Variants in PRKCG observed in about 807,000 individuals in gnomAD.
The protein encoded by PRKCG is protein kinase C gamma.
PRKCG carries 28 observed loss-of-function variants against 82.0 expected under a neutral mutation model. That is an observed-to-expected ratio of 0.34 (90% CI 0.25 to 0.47). The LOEUF is 0.47. Ranked by LOEUF, PRKCG falls within the 20% of genes least tolerant of loss-of-function variation. The probability of loss-of-function intolerance (pLI) is 1.00; values close to 1 mark genes in which losing one functional copy is unlikely to be tolerated. For synonymous variants in PRKCG, 383 were observed against 376.6 expected (o/e 1.02, Z -0.20); for missense variants, 640 against 952.7 (o/e 0.67, Z 4.32).
chr19:53,893,220 G>T, intron 8 of PRKCG, 142 bp from the exon 9 acceptor site: 1 of 1,249,498 alleles, frequency 8.0e-7, no homozygotes, highest in East Asian at 2.3e-5. Flanking sequence ...GCTCTTCTAG[G>T]GGACTCGAGC....
In PRKCG at chr19:53,890,125, CTCTT is replaced by C. The variant is rs2068662660; in HGVS notation, c.529+112_529+115del. The C allele has an allele frequency of 8.1e-6, 10 of 1,231,244 alleles. No individual in the cohort carries two copies. The Admixed American group carries it at 1.4e-4, about 17-fold the overall frequency. The allele number at this position is 1,231,244 out of a possible 1,614,324, so 76.3% of individuals were successfully genotyped here. ...CCCTACCCCAAAGATGGGGCCACGC[CTCTT>C]TCTATGGTCACGCCCACACTCCTGA... On this transcript the variant is annotated intron_variant, in intron 5 of 17. Transcript: ENST00000263431.
intron 9 of PRKCG, among the ~76,000 whole-genome samples, chr19:53,896,740 CCT>C (rs2068721114): frequency 6.6e-6 from 1 of 152,152 alleles, no homozygotes; most frequent in Non-Finnish European, 1.5e-5. Flanking sequence ...ATTTATGTAG[CCT>C]CAATGAGGTA....
intron 5 of PRKCG, among the ~76,000 whole-genome samples, chr19:53,890,258 C>CT (rs1322362855): frequency 6.6e-6 from 1 of 151,934 alleles, no homozygotes; most frequent in Non-Finnish European, 1.5e-5. Context: ...ATGACTTTGA[C>CT]TTTCTTTTTT....
chr19:53,883,235 G>T lies in PRKCG; in HGVS notation c.202+41G>T, dbSNP rs779436440. On this transcript the variant is annotated intron_variant, in intron 2 of 17. Coordinates refer to ENST00000263431, the MANE Select transcript of PRKCG (RefSeq NM_002739.5). The surrounding 1 kb of genome is among the most constrained non-coding windows in gnomAD (Gnocchi z 5.4). ...CGGGGCTCCTGGGACCCTCAGGAGG[G>T]TGGAGGCTGGGGCCCCACAGCTGAG... 1 of 1,612,872 alleles carries T rather than the reference G, an allele frequency of 6.2e-7. No homozygotes were observed. The highest frequency in any genetic ancestry group is 1.7e-5 in the Admixed American group (1 of 60,006).
intron 16 of PRKCG, 127 bp downstream of exon 16, chr19:53,904,869 T>TA: frequency 1.3e-6 from 1 of 780,040 alleles, no homozygotes; most frequent in South Asian, 1.5e-5. Context: ...GAAAAGTTGA[T>TA]ATGATGCATA....
intron 3 of PRKCG, among the ~76,000 whole-genome samples, chr19:53,887,923 A>G (rs1006808930): frequency 2.0e-4 from 31 of 152,082 alleles, no homozygotes; most frequent in African/African-American, 7.5e-4. Flanking sequence ...CCACTTTTCA[A>G]GCGGTAAATC....
chr19:53,883,161 A>AG lies in PRKCG; in HGVS notation c.173dup. The AG allele has an allele frequency of 6.2e-7, 1 of 1,613,880 alleles. No individual in the cohort carries two copies. The stretch of plus-strand genomic sequence containing the variant: ...CTGACCTAGGATCCCTGACTCTTCC[A>AG]GGGGTATCGGAAAGCAGGGCCTGCA... On this transcript the variant is annotated splice_acceptor_variant, in intron 1 of 17. Coordinates refer to ENST00000263431, the MANE Select transcript of PRKCG (RefSeq NM_002739.5). LOFTEE classifies it high-confidence loss of function. The surrounding 1 kb of genome is among the most constrained non-coding windows in gnomAD (Gnocchi z 5.4).
chr19:53,883,311 G>A lies in PRKCG; in HGVS notation c.202+117G>A, dbSNP rs539566025. 2.1e-5 allele frequency: 27 copies of A among 1,267,850 alleles called. No homozygotes were observed. The African/African-American group carries it at 3.7e-4, about 17-fold the overall frequency. The allele number at this position is 1,267,850 out of a possible 1,614,324, so 78.5% of individuals were successfully genotyped here. ...TCCCCAGAGAGGCGCGGGGGAGCCC[G>A]GGGCGGGGGGTGTGGCAGAGACACA... On this transcript the variant is annotated intron_variant, in intron 2 of 17. Coordinates refer to ENST00000263431, the MANE Select transcript of PRKCG (RefSeq NM_002739.5). The surrounding 1 kb of genome is among the most constrained non-coding windows in gnomAD (Gnocchi z 5.4).
In PRKCG at chr19:53,891,822, C is replaced by T; in HGVS notation, c.678C>T (p.Thr226=). The stretch of plus-strand genomic sequence containing the variant: ...CGCTAAACCCTGTGTGGAATGAGAC[C>T]TTTGTGTTGTGAGTCTGGGGTGCAG... ...KATLNPVWNE[T]FVFNLKPGDV... Residue 226 remains threonine, a synonymous_variant, in exon 6 of 18, where the codon ACC becomes ACT. Transcript: ENST00000263431. The T allele has an allele frequency of 6.2e-7, 1 of 1,613,986 alleles. No homozygotes were observed. Among genetic ancestry groups the T allele is most frequent in the South Asian group, 1.1e-5 (1 of 91,076 alleles).
chr19:53,897,851 T>C (rs1301429629), intron 9 of PRKCG, 108 bp from the exon 10 acceptor site: 6 of 1,518,674 alleles, frequency 4.0e-6, no homozygotes, highest in Non-Finnish European at 5.4e-6. Context: ...TTCCTCTGTC[T>C]AGCGATTCTC....
chr19:53,902,906 A>AAAAAAAAAAC (rs1166152590), intron 14 of PRKCG, among the ~76,000 whole-genome samples, 167 bp from the exon 15 acceptor site: 1 of 150,266 alleles, frequency 6.7e-6, no homozygotes, highest in African/African-American at 2.5e-5. Flanking sequence ...AAAAAAAAAA[A>AAAAAAAAAAC]AAAAAAAAAA....
chr19:53,886,164 G>T (rs545322340), intron 3 of PRKCG, among the ~76,000 whole-genome samples: 1 of 151,094 alleles, frequency 6.6e-6, no homozygotes, highest in Non-Finnish European at 1.5e-5. Flanking sequence ...GAGTGCACTG[G>T]TGCAATCTTG....
chr19:53,902,685 G>A (rs1353338490), intron 14 of PRKCG, among the ~76,000 whole-genome samples: 2 of 151,654 alleles, frequency 1.3e-5, no homozygotes, highest in South Asian at 2.1e-4. Context: ...GCTTGAGTCC[G>A]GGAGTTTGAG....
At position 53,907,018 on chromosome 19, in the gene PRKCG, CT is replaced by C; in HGVS notation, c.*124del. 6.5e-7 allele frequency: 1 copy of C among 1,545,278 alleles called. No homozygotes were observed. The highest frequency in any genetic ancestry group is 8.7e-7 in the Non-Finnish European group (1 of 1,148,262). On this transcript the variant is annotated 3_prime_UTR_variant, in exon 18 of 18. Coordinates refer to ENST00000263431, the MANE Select transcript of PRKCG (RefSeq NM_002739.5). Reference sequence around the variant, plus strand: ...GATCCTGCACCCCAGCATTCCAGCTCTGCCCCCGCGGGTTCTAGACGCCCCT... The same window carrying C: ...GATCCTGCACCCCAGCATTCCAGCTCGCCCCCGCGGGTTCTAGACGCCCCT...
Position 53,883,080 on chromosome 19 carries a change from G to A in PRKCG, c.171-83G>A. 6.4e-7 allele frequency: 1 copy of A among 1,552,828 alleles called. No individual in the cohort carries two copies. The highest frequency in any genetic ancestry group is 8.9e-7 in the Non-Finnish European group (1 of 1,124,786). ...TGGGCCCTGCGGGAGGAGGGTCAGA[G>A]AGCGCAGGCCCCCTGTGGCTCGCAG... On this transcript the variant is annotated intron_variant, in intron 1 of 17. Transcript: ENST00000263431. The surrounding 1 kb of genome is among the most constrained non-coding windows in gnomAD (Gnocchi z 5.4).
At chr19:53,901,360 A>G (rs2068761883) in intron 14 of PRKCG, among the ~76,000 whole-genome samples, 1 of 151,816 alleles carries the variant, frequency 6.6e-6, no homozygotes, top group Non-Finnish European at 1.5e-5. Context: ...CCTGGCCAAC[A>G]TGGTGAAACC....
rs982032096 is a variant in PRKCG, at chr19:53,889,049, T to C, written c.286-589T>C. ...CTCACTGCAACCTCGGCCTCCTGGA[T>C]TCAAGCAATTCTCATGCCTCAGCCT... On this transcript the variant is annotated intron_variant, in intron 3 of 17. Transcript: ENST00000263431. This position sits in a 1 kb window ranked among gnomAD's most constrained non-coding sequence, Gnocchi z 4.4. Among the ~76,000 whole-genome samples, 3 of 152,128 alleles carry C rather than the reference T, an allele frequency of 2.0e-5. No individual in the cohort carries two copies. The highest frequency in any genetic ancestry group is 4.4e-5 in the Non-Finnish European group (3 of 68,030).
At position 53,882,779 on chromosome 19, in the gene PRKCG, C is replaced by T; in HGVS notation, c.170+115C>T. 7.2e-7 allele frequency: 1 copy of T among 1,398,234 alleles called. No homozygotes were observed. Among genetic ancestry groups the T allele is most frequent in the Non-Finnish European group, 9.6e-7 (1 of 1,046,334 alleles). 86.6% of individuals were successfully genotyped at this position (1,398,234 alleles called of 1,614,324 possible). ...GGGCTGTAGTCCCGACTCCCAGGTT[C>T]TAGGATGGCCAGGGAACGCTGGGAG... On this transcript the variant is annotated intron_variant, in intron 1 of 17. Coordinates refer to ENST00000263431, the MANE Select transcript of PRKCG (RefSeq NM_002739.5). This position sits in a 1 kb window ranked among gnomAD's most constrained non-coding sequence, Gnocchi z 6.1.
At chr19:53,898,765 T>C in intron 11 of PRKCG, 137 bp downstream of exon 11, 1 of 135,904 alleles carries the variant, frequency 7.4e-6, no homozygotes, top group South Asian at 1.1e-4. Flanking sequence ...GCGGATTGTC[T>C]CCTCAGGGGG....
Sources: gnomAD v4.1 joint callset for allele counts (sites outside exome capture counted in the v4.1 genomes callset) on GRCh38, gnomAD v4.1.1 for gene constraint, Gnocchi (gnomAD v3.1) non-coding constraint, MANE v1.5 for transcripts, NCBI Gene and HGNC (gene_info 2026-07-23, HGNC 2026-07-21) for gene names.